Variants in TNNT3 observed in about 807,000 individuals in gnomAD.
The protein encoded by TNNT3 is troponin T3, fast skeletal type, also known as troponin T, fast skeletal muscle.
A neutral mutation model predicts 54.2 loss-of-function variants in TNNT3; 36 were observed. That is an observed-to-expected ratio of 0.66 (90% confidence interval 0.51 to 0.88). The LOEUF is 0.88. Ranked by LOEUF, TNNT3 falls within the 40% of genes least tolerant of loss-of-function variation. The pLI, the probability that TNNT3 is intolerant of heterozygous loss-of-function variation, is 0.00. For missense variants in TNNT3, 291 were observed against 331.6 expected (o/e 0.88, Z 0.95); for synonymous variants, 120 against 109.7 (o/e 1.09, Z -0.59).
chr11:1,934,029 G>A, intron 11 of TNNT3, 21 bp downstream of exon 11: 1 of 1,607,126 alleles, frequency 6.2e-7, no homozygotes, highest in East Asian at 2.2e-5. Flanking sequence ...CATCCGCACT[G>A]CTGCCTCATC....
chr11:1,932,638 A>G (rs1374960485), intron 9 of TNNT3, 124 bp downstream of exon 9: 1 of 878,774 alleles, frequency 1.1e-6, no homozygotes, highest in Non-Finnish European at 1.9e-6. Flanking sequence ...GGTCTGGGCA[A>G]TTCTACCATA....
At position 1,938,642 on chromosome 11, in the gene TNNT3, C is replaced by G; in HGVS notation, c.*150C>G. 1.3e-6 allele frequency: 1 copy of G among 791,278 alleles called. No homozygotes were observed. The highest frequency in any genetic ancestry group is 1.5e-5 in the South Asian group (1 of 68,704). 49.0% of individuals were successfully genotyped at this position (791,278 alleles called of 1,614,324 possible). ...GGAGAGGCCATCCCGGGGCGTCCCC[C>G]GCGTCTGTGTCCTTGCTGCCTTCAT... On this transcript the variant is annotated 3_prime_UTR_variant, in exon 16 of 16. Coordinates refer to ENST00000278317, the MANE Select transcript of TNNT3 (RefSeq NM_006757.4).
chr11:1,929,875 TG>T (rs1397964622), intron 8 of TNNT3, 47 bp downstream of exon 8: 13 of 1,501,604 alleles, frequency 8.7e-6, no homozygotes, highest in Non-Finnish European at 1.2e-5. Flanking sequence ...TGTTCTGGGG[TG>T]GGGGTGGTCA....
intron 14 of TNNT3, chr11:1,935,420 A>C: frequency 4.3e-6 from 1 of 234,862 alleles, no homozygotes; most frequent in Non-Finnish European, 8.5e-6. Context: ...GACACACTGC[A>C]CCCTGTGGCT....
intron 4 of TNNT3, among the ~76,000 whole-genome samples, chr11:1,924,302 AT>A (rs1850894540): frequency 6.6e-6 from 1 of 151,928 alleles, no homozygotes; most frequent in Non-Finnish European, 1.5e-5. Flanking sequence ...GGGCGTCTCC[AT>A]CGTGCCCGGG....
chr11:1,929,770 G>A (rs545491880), intron 7 of TNNT3, 40 bp from the exon 8 acceptor site: 17 of 1,551,584 alleles, frequency 1.1e-5, no homozygotes, highest in Admixed American at 3.9e-5. Context: ...CTCTCCCCAC[G>A]CTGGTGTCCC....
chr11:1,925,362 G>A (rs1245451830), intron 5 of TNNT3: 3 of 1,469,626 alleles, frequency 2.0e-6, no homozygotes, highest in African/African-American at 2.8e-5. Flanking sequence ...GGGGGAGAGG[G>A]TGGGGAAGCC....
At chr11:1,928,144 A>C (rs1170772665) in intron 6 of TNNT3, 1 of 153,126 alleles carries the variant, frequency 6.5e-6, no homozygotes, top group Non-Finnish European at 1.5e-5. Context: ...AGCCAAGTGC[A>C]GGGGACAGCG....
intron 1 of TNNT3, among the ~76,000 whole-genome samples, chr11:1,921,838 A>G (rs1485380622): frequency 6.6e-6 from 1 of 152,240 alleles, no homozygotes; most frequent in Non-Finnish European, 1.5e-5. Context: ...CCTGGCCAAC[A>G]TGCCGGTGCA....
chr11:1,925,287 A>C (rs1851240262), intron 5 of TNNT3, 171 bp downstream of exon 5: 2 of 1,596,896 alleles, frequency 1.3e-6, no homozygotes, highest in Non-Finnish European at 1.7e-6. Context: ...GTATGAGGAC[A>C]CAGGACTTCT....
intron 6 of TNNT3, 97 bp from the exon 7 acceptor site, chr11:1,929,021 TGG>T: frequency 7.4e-7 from 1 of 1,355,226 alleles, no homozygotes; most frequent in African/African-American, 1.4e-5. Context: ...GTGAGAGGGG[TGG>T]GCCCCTTGCC....
chr11:1,937,587 G>A (rs991916076), intron 15 of TNNT3, among the ~76,000 whole-genome samples: 5 of 152,168 alleles, frequency 3.3e-5, no homozygotes, highest in African/African-American at 7.2e-5. Context: ...GCGATGCCAC[G>A]CTGGGGATCC....
chr11:1,926,822 C>G (rs547812457), intron 6 of TNNT3, 113 bp downstream of exon 6: 1 of 1,410,780 alleles, frequency 7.1e-7, no homozygotes, highest in Non-Finnish European at 9.9e-7. Context: ...CAACTGAACC[C>G]GTTCTGGCCT....
At position 1,929,839 on chromosome 11, in the gene TNNT3, G is replaced by A. The variant is rs775771155; in HGVS notation, c.125+11G>A. 6.6e-7 allele frequency: 1 copy of A among 1,510,886 alleles called. No individual in the cohort carries two copies. Among genetic ancestry groups the A allele is most frequent in the South Asian group, 1.3e-5 (1 of 76,722 alleles). 93.6% of individuals were successfully genotyped at this position (1,510,886 alleles called of 1,614,324 possible). A position where few individuals can be genotyped will look rare whatever the true frequency, so the allele number is the denominator to read the frequency against. On this transcript the variant is annotated intron_variant, in intron 8 of 15. Transcript: ENST00000278317. ...GAAACCGAGACCCAAGTGAGTGTGG[G>A]GTCCTGGCAGGCCCGCTGCTGAGTG...
At chr11:1,927,369 G>A (rs750667640) in intron 6 of TNNT3, among the ~76,000 whole-genome samples, 1 of 152,210 alleles carries the variant, frequency 6.6e-6, no homozygotes, top group East Asian at 1.9e-4. Context: ...GCTGTACTGG[G>A]TGGAGGTCAG....
intron 5 of TNNT3, chr11:1,926,455 C>A (rs1337468147): frequency 1.5e-5 from 25 of 1,613,216 alleles, no homozygotes; most frequent in Non-Finnish European, 1.9e-5. Context: ...TCCGTGGCCT[C>A]CTTGGCCCGT....
intron 8 of TNNT3, among the ~76,000 whole-genome samples, chr11:1,930,346 T>G (rs1029797133): frequency 5.3e-5 from 8 of 152,066 alleles, no homozygotes; most frequent in Non-Finnish European, 1.0e-4. Flanking sequence ...GACAGGAAAG[T>G]GAGTCCGGAA....
chr11:1,937,705 C>A (rs752638087), intron 15 of TNNT3, among the ~76,000 whole-genome samples: 1 of 152,210 alleles, frequency 6.6e-6, no homozygotes, highest in Admixed American at 6.5e-5. Flanking sequence ...CTCCTCCTGT[C>A]GCCTTGGCTT....
At chr11:1,923,113 A>G (rs770631757) in intron 3 of TNNT3, 52 bp downstream of exon 3, 1 of 1,611,136 alleles carries the variant, frequency 6.2e-7, no homozygotes, top group East Asian at 2.2e-5. Flanking sequence ...AGGAAGGCTC[A>G]CATGTGGGCA....
Sources: gnomAD v4.1 joint callset for allele counts (sites outside exome capture counted in the v4.1 genomes callset) on GRCh38, gnomAD v4.1.1 for gene constraint, MANE v1.5 for transcripts, NCBI Gene and HGNC (gene_info 2026-07-23, HGNC 2026-07-21) for gene names.